SSBP3: variants seen among roughly 807,000 people sequenced by gnomAD.
SSBP3 encodes the protein single stranded DNA binding protein 3.
In SSBP3, 5 loss-of-function variants were observed where a neutral mutation model predicts 69.6. The ratio of observed to expected loss-of-function variants is 0.07; its 90% CI spans 0.04 to 0.15. The LOEUF is 0.15. Ranked by LOEUF, SSBP3 falls within the 10% of genes least tolerant of loss-of-function variation. The pLI is 1.00. For synonymous variants in SSBP3, 196 were observed against 193.4 expected (o/e 1.01, Z -0.11); for missense variants, 312 against 534.0 (o/e 0.58, Z 4.10).
In SSBP3 at chr1:54,242,235, T is replaced by C. The variant is rs371906222; in HGVS notation, c.717-23A>G. On this transcript the variant is annotated intron_variant, in intron 10 of 17. Transcript: ENST00000610401. ...CCCCTGAGAGAGGGAGAAAGAGATG[T>C]GGACAATGAAAAAGGCGCTGTAAAC... 4.3e-6 allele frequency: 7 copies of C among 1,613,272 alleles called. No homozygotes were observed. The Middle Eastern group carries it at 4.9e-4, about 114-fold the overall frequency.
intron 4 of SSBP3, among the ~76,000 whole-genome samples, chr1:54,321,434 G>C (rs558567104): frequency 6.6e-6 from 1 of 152,266 alleles, no homozygotes; most frequent in South Asian, 2.1e-4. Flanking sequence ...CTGTCCCAGG[G>C]CTCCTTTTAC....
At chr1:54,318,081 T>A (rs1646146441) in intron 4 of SSBP3, among the ~76,000 whole-genome samples, 1 of 152,176 alleles carries the variant, frequency 6.6e-6, no homozygotes, top group Non-Finnish European at 1.5e-5. Flanking sequence ...CCATCCTCTT[T>A]CTATGCCATC....
At chr1:54,352,027 G>T (rs2100583168) in intron 4 of SSBP3, among the ~76,000 whole-genome samples, 1 of 152,304 alleles carries the variant, frequency 6.6e-6, no homozygotes, top group South Asian at 2.1e-4. Flanking sequence ...CAGGCCTGGT[G>T]GCGCATGCCT....
chr1:54,410,207 G>A (rs1298379761), upstream of SSBP3, among the ~76,000 whole-genome samples: 2 of 152,216 alleles, frequency 1.3e-5, no homozygotes, highest in Non-Finnish European at 2.9e-5. Flanking sequence ...AGGTGGGAGT[G>A]AAGACGGAGA....
At chr1:54,303,662 G>A (rs1342128722) in intron 4 of SSBP3, among the ~76,000 whole-genome samples, 4 of 152,088 alleles carry the variant, frequency 2.6e-5, no homozygotes, top group Non-Finnish European at 5.9e-5. Flanking sequence ...ACACTCACAC[G>A]GTCCTGCATG....
intron 4 of SSBP3, among the ~76,000 whole-genome samples, chr1:54,348,867 T>C (rs563609679): frequency 4.6e-5 from 7 of 152,296 alleles, no homozygotes; most frequent in African/African-American, 1.7e-4. Context: ...CTCTCCTTGC[T>C]CTGGCACTCA....
At chr1:54,369,224 G>C (rs924825632) in intron 4 of SSBP3, among the ~76,000 whole-genome samples, 6 of 150,538 alleles carry the variant, frequency 4.0e-5, no homozygotes, top group Non-Finnish European at 8.9e-5. Context: ...GAGTCGGGGG[G>C]GGGGCCCAAG....
At chr1:54,293,207 T>C (rs940409483) in intron 4 of SSBP3, among the ~76,000 whole-genome samples, 6 of 152,088 alleles carry the variant, frequency 3.9e-5, no homozygotes, top group African/African-American at 1.4e-4. Flanking sequence ...CAGGGCTTTC[T>C]TGTTTGCACC....
chr1:54,241,187 G>GC (rs1275065028), intron 12 of SSBP3, among the ~76,000 whole-genome samples: 1 of 152,160 alleles, frequency 6.6e-6, no homozygotes, highest in African/African-American at 2.4e-5. Context: ...GTGTGTGCCT[G>GC]CATTATGTGC....
intron 7 of SSBP3, among the ~76,000 whole-genome samples, chr1:54,254,063 G>A (rs1000153793): frequency 1.3e-5 from 2 of 152,196 alleles, no homozygotes; most frequent in Non-Finnish European, 2.9e-5. Flanking sequence ...CCAAGGAAAG[G>A]GGTCTCAAAC....
chr1:54,251,578 T>C (rs750626984), intron 9 of SSBP3, 38 bp downstream of exon 9: 12 of 1,545,760 alleles, frequency 7.8e-6, no homozygotes, highest in South Asian at 4.8e-5. Context: ...TGCACACAGA[T>C]GGCCAGGGAG....
chr1:54,403,201 G>A (rs566092740), intron 3 of SSBP3, among the ~76,000 whole-genome samples: 2 of 152,336 alleles, frequency 1.3e-5, no homozygotes, highest in South Asian at 2.1e-4. Flanking sequence ...CTGCGGCTGA[G>A]ATAAGGATGG....
At chr1:54,374,084 A>G (rs1195228920) in intron 4 of SSBP3, among the ~76,000 whole-genome samples, 1 of 152,250 alleles carries the variant, frequency 6.6e-6, no homozygotes, top group African/African-American at 2.4e-5. Context: ...AAAGAGCCCA[A>G]TGGGCACTGG....
intron 5 of SSBP3, among the ~76,000 whole-genome samples, chr1:54,278,017 C>G (rs998832749): frequency 7.2e-5 from 11 of 152,244 alleles, no homozygotes; most frequent in Non-Finnish European, 2.9e-5. Context: ...TCAGAGACCA[C>G]CTGGTCCAGC....
At chr1:54,309,090 T>C (rs1289555280) in intron 4 of SSBP3, among the ~76,000 whole-genome samples, 1 of 152,248 alleles carries the variant, frequency 6.6e-6, no homozygotes, top group Non-Finnish European at 1.5e-5. Context: ...CATCTGTCAC[T>C]GGTGCATCCC....
intron 4 of SSBP3, among the ~76,000 whole-genome samples, chr1:54,365,879 C>T (rs780275174): frequency 3.9e-5 from 6 of 152,198 alleles, no homozygotes; most frequent in Non-Finnish European, 8.8e-5. Context: ...TGCTCAAATC[C>T]TGTCTCAGCC....
intron 4 of SSBP3, among the ~76,000 whole-genome samples, chr1:54,360,780 T>C (rs1296071132): frequency 1.3e-5 from 2 of 152,104 alleles, no homozygotes; most frequent in Admixed American, 6.6e-5. Context: ...ATAGCCTGGA[T>C]TGTAAGATAA....
chr1:54,324,252 G>C (rs1327728715), intron 4 of SSBP3, among the ~76,000 whole-genome samples: 5 of 152,178 alleles, frequency 3.3e-5, no homozygotes, highest in African/African-American at 1.2e-4. Context: ...AGTCTTCAGG[G>C]CTGCAGACAA....
At chr1:54,333,417 G>A (rs772881221) in intron 4 of SSBP3, among the ~76,000 whole-genome samples, 18 of 152,212 alleles carry the variant, frequency 1.2e-4, no homozygotes, top group Middle Eastern at 3.4e-3. Flanking sequence ...AAAAAACACC[G>A]TCAGATTTCT....
Sources: allele counts gnomAD v4.1 joint callset (sites outside exome capture counted in the v4.1 genomes callset), GRCh38; gene constraint gnomAD v4.1.1; transcripts MANE v1.5; gene names NCBI Gene and HGNC (gene_info 2026-07-23, HGNC 2026-07-21).